INTS1: variants seen among roughly 807,000 people sequenced by gnomAD.
INTS1 encodes the protein integrator complex subunit 1.
INTS1 carries 137 observed loss-of-function variants against 241.6 expected under a neutral mutation model. That is an observed-to-expected ratio of 0.57 (90% CI 0.49 to 0.65). INTS1 has a LOEUF of 0.65. Ranked by LOEUF, INTS1 falls within the 30% of genes least tolerant of loss-of-function variation. The probability of loss-of-function intolerance (pLI) is 0.00; values close to 1 mark genes in which losing one functional copy is unlikely to be tolerated. For synonymous variants in INTS1, 1,692 were observed against 1,337.8 expected, an observed-to-expected ratio of 1.26 and a Z score of -5.78; for missense variants, 3,073 against 3,032.2, an observed-to-expected ratio of 1.01 and a Z score of -0.32.
chr7:1,475,934 A>T lies in INTS1; in HGVS notation c.5502+14T>A. 2.0e-6 allele frequency: 3 copies of T among 1,531,522 alleles called. No individual in the cohort carries two copies. Among genetic ancestry groups the T allele is most frequent in the Non-Finnish European group, 2.6e-6 (3 of 1,140,178 alleles). The allele number at this position is 1,531,522 out of a possible 1,614,324, so 94.9% of individuals were successfully genotyped here. ...CTGGGACGGCGGCGGGGAGCGGCAG[A>T]GTTGCGCCCTCACCTTGCAGACGCT... On this transcript the variant is annotated intron_variant, in intron 39 of 47. Coordinates refer to ENST00000404767, the MANE Select transcript of INTS1 (RefSeq NM_001080453.3).
intron 12 of INTS1, among the ~76,000 whole-genome samples, 154 bp downstream of exon 12, chr7:1,496,002 C>T (rs567134258): frequency 9.2e-5 from 14 of 152,296 alleles, no homozygotes; most frequent in Non-Finnish European, 1.5e-4. Flanking sequence ...GGAACGGGGA[C>T]GGCAGCTTCC....
Position 1,470,892 on chromosome 7 carries a change from C to T in INTS1, c.6411G>A (p.Val2137=), listed in dbSNP as rs368143838. ...CAGGCAGGTTCCGGAGGGCCGTCTG[C>T]ACCACCTCAAAGTCCTGGCTGCCCA... The part of the protein sequence containing the change: ...YCLGSQDFEV[V]QTALRNLPEY... The change falls in exon 47 of 48, where the codon GTG becomes GTA. Residue 2137 remains valine (V), a synonymous_variant. Transcript: ENST00000404767. 7.5e-6 allele frequency: 12 copies of T among 1,594,150 alleles called. No homozygotes were observed. Among genetic ancestry groups the T allele is most frequent in the African/African-American group, 2.7e-5 (2 of 74,420 alleles).
Position 1,476,824 on chromosome 7 carries a change from C to T in INTS1, c.5033G>A (p.Arg1678Gln), listed in dbSNP as rs762256122. 12 of 1,612,790 alleles carry T rather than the reference C, an allele frequency of 7.4e-6. No homozygotes were observed. The highest frequency in any genetic ancestry group is 3.3e-5 in the Admixed American group (2 of 59,990). Reference protein sequence around the residue: ...SSWPTLHQCIRVLLGKSREQR... With the variant: ...SSWPTLHQCIQVLLGKSREQR... The stretch of plus-strand genomic sequence containing the variant: ...TTCCCGGCTCTTGCCCAGCAGGACT[C>T]GGATGCACTGGTGCAGTGTGGGCCA... The change falls in exon 36 of 48, where the codon CGA (arginine) becomes CAA (glutamine). Residue 1678 changes from arginine (R) to glutamine (Q), a missense_variant. Arg to Gln is a conservative substitution (Grantham distance 43). Coordinates refer to ENST00000404767, the MANE Select transcript of INTS1 (RefSeq NM_001080453.3).
In INTS1 at chr7:1,479,385, G is replaced by C. The variant is rs551012183; in HGVS notation, c.4329+45C>G. 2.3e-4 allele frequency: 359 copies of C among 1,537,798 alleles called. 4 individuals carry two copies. In the South Asian group the frequency reaches 4.0e-3, roughly 17 times the overall value. ...CCCGGGCCGTCCTGCGGGAGGCAGA[G>C]CCCTCACTGCCCTCCTCCCCCGCAA... On this transcript the variant is annotated intron_variant, in intron 31 of 47. Coordinates refer to ENST00000404767, the MANE Select transcript of INTS1 (RefSeq NM_001080453.3).
At chr7:1,474,914 G>A in intron 39 of INTS1, 76 bp from the exon 40 acceptor site, 2 of 1,505,116 alleles carry the variant, frequency 1.3e-6, no homozygotes, top group Non-Finnish European at 8.9e-7. Context: ...CTGGCCGCCA[G>A]CTGTGGCCGT....
intron 39 of INTS1, 96 bp from the exon 40 acceptor site, chr7:1,474,934 C>T (rs1314860949): frequency 8.2e-6 from 12 of 1,461,016 alleles, no homozygotes; most frequent in Admixed American, 4.3e-5. Context: ...TGATCCACCG[C>T]GTGGCACGCC....
Position 1,500,296 on chromosome 7 carries a change from G to T in INTS1, c.420C>A (p.Gly140=). 2 of 1,593,308 alleles carry T rather than the reference G, an allele frequency of 1.3e-6. No individual in the cohort carries two copies. The highest frequency in any genetic ancestry group is 1.7e-6 in the Non-Finnish European group (2 of 1,168,766). The change falls in exon 4 of 48, where the codon GGC becomes GGA. Residue 140 remains glycine (G), a synonymous_variant. Transcript: ENST00000404767. Reference sequence around the variant, plus strand: ...GCTGCTTCACGGCCCCGCACAGCACGCCCTCGATCCTGTCATCGTTGCCCT... The same window carrying T: ...GCTGCTTCACGGCCCCGCACAGCACTCCCTCGATCCTGTCATCGTTGCCCT... ...ELEGNDDRIE[G]VLCGAVKQLK... is the part of the protein sequence containing the mutation.
Position 1,481,020 on chromosome 7 carries a change from T to C in INTS1, c.3851-87A>G. 1 of 976,430 alleles carries C rather than the reference T, an allele frequency of 1.0e-6. No homozygotes were observed. The highest frequency in any genetic ancestry group is 2.6e-5 in the East Asian group (1 of 39,130). 60.5% of individuals were successfully genotyped at this position (976,430 alleles called of 1,614,324 possible). A position where few individuals can be genotyped will look rare whatever the true frequency, so the allele number is the denominator to read the frequency against. On this transcript the variant is annotated intron_variant, in intron 28 of 47. Transcript: ENST00000404767. This position sits in a 1 kb window ranked among gnomAD's most constrained non-coding sequence, Gnocchi z 6.8. Reference sequence around the variant, plus strand: ...TCTCCACAGAAACCAGAGTTGGAGATGCCCCCACCGTCACCAGCACTTCCC... The same window carrying C: ...TCTCCACAGAAACCAGAGTTGGAGACGCCCCCACCGTCACCAGCACTTCCC...
chr7:1,496,940 C>T (rs908969610), intron 11 of INTS1, among the ~76,000 whole-genome samples, 198 bp downstream of exon 11: 4 of 152,308 alleles, frequency 2.6e-5, no homozygotes, highest in Middle Eastern at 3.4e-3. Context: ...TTGGTCAGCC[C>T]CTCATAGGTC....
In INTS1 at chr7:1,481,412, T is replaced by A. The variant is rs770889007; in HGVS notation, c.3780A>T (p.Lys1260Asn). The change falls in exon 28 of 48, where the codon AAA (lysine) becomes AAT (asparagine). Residue 1260 changes from lysine (K) to asparagine (N), a missense_variant. Physicochemically the swap from Lys to Asn is moderately conservative, Grantham distance 94. Coordinates refer to ENST00000404767, the MANE Select transcript of INTS1 (RefSeq NM_001080453.3). This position sits in a 1 kb window ranked among gnomAD's most constrained non-coding sequence, Gnocchi z 6.8. Reference protein sequence around the residue: ...SFGIPVSSMSKLLQFLDQAVA... With the variant: ...SFGIPVSSMSNLLQFLDQAVA... ...CTGCCTGGTCCAGGAACTGGAGGAGTTTGCTCATGCTGGACACGGGGATGC... is the reference window on the plus strand; with the variant it reads ...CTGCCTGGTCCAGGAACTGGAGGAGATTGCTCATGCTGGACACGGGGATGC... 6.2e-7 allele frequency: 1 copy of A among 1,612,368 alleles called. No homozygotes were observed. The highest frequency in any genetic ancestry group is 8.5e-7 in the Non-Finnish European group (1 of 1,179,560).
chr7:1,485,266 C>G, intron 23 of INTS1, 24 bp downstream of exon 23: 1 of 1,598,356 alleles, frequency 6.3e-7, no homozygotes, highest in Non-Finnish European at 8.5e-7. Flanking sequence ...CTTTCCCTGC[C>G]GCGGCCCCGG....
rs1781735310 is a variant in INTS1, at chr7:1,476,596, G to A, written c.5125C>T (p.Gln1709Ter). The change falls in exon 37 of 48, where the codon CAG becomes TAG. Residue 1709 changes from glutamine (Q) to a stop codon, truncating the protein, a stop_gained. Transcript: ENST00000404767. LOFTEE classifies it high-confidence loss of function. ...TGCGGGGTGCGCTGGTCCCGCCCCT[G>A]CCAGATGCGAGGAACATGGATGCAG... ...WACIHVPRIW[Q>*]GRDQRTPQKR... The A allele has an allele frequency of 2.5e-6, 4 of 1,612,164 alleles. No homozygotes were observed. Among genetic ancestry groups the A allele is most frequent in the African/African-American group, 1.3e-5 (1 of 74,894 alleles).
intron 6 of INTS1, 28 bp downstream of exon 6, chr7:1,499,445 G>A (rs777239951): frequency 2.7e-5 from 30 of 1,120,326 alleles, no homozygotes; most frequent in East Asian, 7.2e-5. Context: ...TTGGACACCC[G>A]CCCTCTCTGG....
chr7:1,491,852 T>C (rs1782564751), intron 16 of INTS1, among the ~76,000 whole-genome samples: 2 of 152,186 alleles, frequency 1.3e-5, no homozygotes, highest in Admixed American at 6.5e-5. Context: ...GAACCGTTGA[T>C]TGTGCCACCG....
In INTS1 at chr7:1,476,260, G is replaced by A. The variant is rs1475844737; in HGVS notation, c.5347C>T (p.Leu1783=). 6.4e-7 allele frequency: 1 copy of A among 1,569,048 alleles called. No homozygotes were observed. Among genetic ancestry groups the A allele is most frequent in the East Asian group, 2.4e-5 (1 of 42,268 alleles). The change falls in exon 38 of 48, where the codon CTG becomes TTG. Residue 1783 remains leucine, a synonymous_variant. Transcript: ENST00000404767. Reference sequence around the variant, plus strand: ...CCCCACTGCTGGATGCAGCCTGACAGGTGCTCCGTCACCTTCCTGACACTC... The same window carrying A: ...CCCCACTGCTGGATGCAGCCTGACAAGTGCTCCGTCACCTTCCTGACACTC... ...DESVRKVTEH[L]SGCIQQWGDS... is the part of the protein sequence containing the mutation.
chr7:1,477,661 C>T lies in INTS1; in HGVS notation c.4827G>A (p.Val1609=). 3.1e-6 allele frequency: 5 copies of T among 1,594,758 alleles called. No individual in the cohort carries two copies. Among genetic ancestry groups the T allele is most frequent in the Non-Finnish European group, 4.3e-6 (5 of 1,171,188 alleles). ...GGAGGCCTGACGAGGGCCCCAGCCG[C>T]ACGGCCTCCAGGCTGCAGGGAGAAG... The part of the protein sequence containing the change: ...PGADGGSLEA[V]RLGPSSGLLV... The change falls in exon 35 of 48, where the codon GTG becomes GTA. Residue 1609 remains valine (V), a synonymous_variant. Coordinates refer to ENST00000404767, the MANE Select transcript of INTS1 (RefSeq NM_001080453.3).
intron 11 of INTS1, among the ~76,000 whole-genome samples, chr7:1,496,746 A>T (rs1211921857): frequency 6.6e-6 from 1 of 152,096 alleles, no homozygotes; most frequent in Non-Finnish European, 1.5e-5. Flanking sequence ...GGCTGCAGGG[A>T]CCTGGCATCT....
chr7:1,476,577 G>A lies in INTS1; in HGVS notation c.5144C>T (p.Thr1715Ile), dbSNP rs1365803602. Reference protein sequence around the residue: ...PRIWQGRDQRTPQKRREELVL... With the variant: ...PRIWQGRDQRIPQKRREELVL... ...CACCCTCCCAAGACCTGCCTGCGGG[G>A]TGCGCTGGTCCCGCCCCTGCCAGAT... Residue 1715 changes from threonine (T) to isoleucine (I), a missense_variant, in exon 37 of 48, where the codon ACC becomes ATC. Coordinates refer to ENST00000404767, the MANE Select transcript of INTS1 (RefSeq NM_001080453.3). 3.3e-6 allele frequency: 5 copies of A among 1,500,598 alleles called. No homozygotes were observed. The African/African-American group carries it at 8.4e-5, about 25-fold the overall frequency. 93.0% of individuals were successfully genotyped at this position (1,500,598 alleles called of 1,614,324 possible).
chr7:1,489,789 C>T (rs1782460056), intron 16 of INTS1, 107 bp from the exon 17 acceptor site: 1 of 781,578 alleles, frequency 1.3e-6, no homozygotes, highest in African/African-American at 1.7e-5. Context: ...TGGCTCCCAG[C>T]TCCTCCCGGG....
Sources: allele counts gnomAD v4.1 joint callset (sites outside exome capture counted in the v4.1 genomes callset), GRCh38; gene constraint gnomAD v4.1.1; non-coding constraint Gnocchi (gnomAD v3.1); transcripts MANE v1.5; gene names NCBI Gene and HGNC (gene_info 2026-07-23, HGNC 2026-07-21).